KPNA4: variants seen among roughly 807,000 people sequenced by gnomAD.
KPNA4 encodes karyopherin subunit alpha 4, also known as importin subunit alpha-3.
In KPNA4, 13 loss-of-function variants were observed where a neutral mutation model predicts 71.3. The observed-to-expected ratio is 0.18, with a 90% CI of 0.12 to 0.29. The LOEUF is 0.29. Among genes scored for constraint, KPNA4 ranks in the 10% least tolerant of loss-of-function variants. KPNA4 has a pLI of 1.00. For synonymous variants in KPNA4, 189 were observed against 195.2 expected, an observed-to-expected ratio of 0.97 and a Z score of 0.26; for missense variants, 334 against 603.2, an observed-to-expected ratio of 0.55 and a Z score of 4.67.
At position 160,496,838 on chromosome 3, in the gene KPNA4, AC is replaced by A. The variant is rs1232476102; in HGVS notation, c.*5265del. The A allele has an allele frequency of 1.3e-5, 2 of 152,148 alleles. No individual in the cohort carries two copies. Among genetic ancestry groups the A allele is most frequent in the Admixed American group, 1.3e-4 (2 of 15,274 alleles). The allele number at this position is 152,148 out of a possible 1,614,324, so 9.4% of individuals were successfully genotyped here. A position where few individuals can be genotyped will look rare whatever the true frequency, so the allele number is the denominator to read the frequency against. On this transcript the variant is annotated 3_prime_UTR_variant, in exon 17 of 17. Transcript: ENST00000334256. Reference sequence around the variant, plus strand: ...TTTCCTCACAGTCAACTGCTCTTACACCCAGAGCAGTAGCTGTCAAGTCAAT... The same window carrying A: ...TTTCCTCACAGTCAACTGCTCTTACACCAGAGCAGTAGCTGTCAAGTCAAT...
At chr3:160,521,528 AG>A (rs1721348717) in intron 11 of KPNA4, among the ~76,000 whole-genome samples, 1 of 152,176 alleles carries the variant, frequency 6.6e-6, no homozygotes, top group Admixed American at 6.5e-5. Flanking sequence ...CCTTGAACCT[AG>A]GAAGTGGAGG....
chr3:160,504,023 G>A (rs893507485), intron 16 of KPNA4, among the ~76,000 whole-genome samples: 32 of 152,240 alleles, frequency 2.1e-4, no homozygotes, highest in South Asian at 1.5e-3. Context: ...GGGGGAGGTT[G>A]CAGTGAGCTG....
At chr3:160,546,014 T>A (rs376635198) in intron 1 of KPNA4, among the ~76,000 whole-genome samples, 1 of 152,098 alleles carries the variant, frequency 6.6e-6, no homozygotes, top group Non-Finnish European at 1.5e-5. Flanking sequence ...GTACTGATAA[T>A]GCATCGAATG....
chr3:160,525,931 T>C lies in KPNA4; in HGVS notation c.726+7A>G. On this transcript the variant is annotated splice_region_variant and intron_variant, in intron 9 of 16. Transcript: ENST00000334256. The stretch of plus-strand genomic sequence containing the variant: ...ATCTCTTTTAATTTTTTTTTAAAAG[T>C]GTTTACCTCCTGAATGGTTTCCATT... 6.4e-7 allele frequency: 1 copy of C among 1,551,296 alleles called. No homozygotes were observed. Among genetic ancestry groups the C allele is most frequent in the South Asian group, 1.3e-5 (1 of 77,012 alleles).
chr3:160,521,032 AT>A (rs1308245102), intron 11 of KPNA4, among the ~76,000 whole-genome samples: 2 of 152,228 alleles, frequency 1.3e-5, no homozygotes, highest in African/African-American at 4.8e-5. Context: ...ACAATAAAAA[AT>A]AAATTTAAAT....
chr3:160,526,950 T>C lies in KPNA4; in HGVS notation c.557-843A>G, dbSNP rs141065609. On this transcript the variant is annotated intron_variant, in intron 8 of 16. Coordinates refer to ENST00000334256, the MANE Select transcript of KPNA4 (RefSeq NM_002268.5). ...TGAGGGAGTCTGGATATAGAAACAA[T>C]AGCATTCCTAATAGTATAAACCCAA... Among the ~76,000 whole-genome samples the C allele has an allele frequency of 1.2e-4, 18 of 152,250 alleles. No homozygotes were observed. The East Asian group carries it at 1.9e-3, about 16-fold the overall frequency.
chr3:160,524,281 G>C (rs1186568376), intron 10 of KPNA4, among the ~76,000 whole-genome samples: 2 of 152,256 alleles, frequency 1.3e-5, no homozygotes, highest in East Asian at 1.9e-4. Flanking sequence ...AAGATGTCTT[G>C]TTTTCTAGTA....
At chr3:160,522,944 G>A (rs951642346) in intron 10 of KPNA4, among the ~76,000 whole-genome samples, 1 of 148,918 alleles carries the variant, frequency 6.7e-6, no homozygotes, top group Non-Finnish European at 1.5e-5. Context: ...TTTTTTTAAC[G>A]ATTACATCTT....
chr3:160,514,128 C>T lies in KPNA4; in HGVS notation c.1086G>A (p.Gln362=). 1 of 1,600,914 alleles carries T rather than the reference C, an allele frequency of 6.2e-7. No individual in the cohort carries two copies. The highest frequency in any genetic ancestry group is 1.4e-5 in the African/African-American group (1 of 74,068). The change falls in exon 13 of 17, where the codon CAG becomes CAA. Residue 362 remains glutamine (Q), a synonymous_variant. Coordinates refer to ENST00000334256, the MANE Select transcript of KPNA4 (RefSeq NM_002268.5). ...NITAGNQQQV[Q]AVIDANLVPM... ...GTACAAGATTGGCATCAATTACTGC[C>T]TGTACCTGCTGCTGATTTCCTGCAG...
chr3:160,521,968 C>A, intron 10 of KPNA4, 58 bp from the exon 11 acceptor site: 6 of 1,450,302 alleles, frequency 4.1e-6, no homozygotes, highest in Non-Finnish European at 5.7e-6. Context: ...TTTAGTAATT[C>A]TTGACCAAAC....
At chr3:160,504,849 T>C (rs1720952544) in intron 16 of KPNA4, 109 bp downstream of exon 16, 6 of 421,434 alleles carry the variant, frequency 1.4e-5, no homozygotes, top group East Asian at 7.7e-5. Context: ...CTATTTTAAT[T>C]CCATTCCAAA....
chr3:160,549,521 A>C (rs1721995796), intron 1 of KPNA4, among the ~76,000 whole-genome samples: 1 of 152,182 alleles, frequency 6.6e-6, no homozygotes, highest in Non-Finnish European at 1.5e-5. Context: ...ACCGTTTGTT[A>C]AAGGACTATC....
chr3:160,536,947 C>T, intron 1 of KPNA4, 107 bp from the exon 2 acceptor site: 1 of 527,396 alleles, frequency 1.9e-6, no homozygotes, highest in South Asian at 3.7e-5. Context: ...TTTCTTTTAG[C>T]CATATGGATA....
At chr3:160,519,971 G>A (rs1329216602) in intron 11 of KPNA4, among the ~76,000 whole-genome samples, 1 of 152,140 alleles carries the variant, frequency 6.6e-6, no homozygotes, top group Non-Finnish European at 1.5e-5. Flanking sequence ...TGGCATGAAA[G>A]TTGAAAAGTA....
At chr3:160,547,555 T>G (rs1443042414) in intron 1 of KPNA4, among the ~76,000 whole-genome samples, 1 of 152,114 alleles carries the variant, frequency 6.6e-6, no homozygotes, top group African/African-American at 2.4e-5. Flanking sequence ...TTGTTACAAC[T>G]GATGAGCCTA....
intron 1 of KPNA4, among the ~76,000 whole-genome samples, chr3:160,562,124 T>C (rs1283705934): frequency 2.0e-5 from 3 of 152,150 alleles, no homozygotes; most frequent in South Asian, 2.1e-4. Flanking sequence ...CTAAATGCTA[T>C]ACTCTGTACA....
intron 1 of KPNA4, among the ~76,000 whole-genome samples, chr3:160,539,998 CTTTT>C (rs376611861): frequency 1.5e-5 from 2 of 129,322 alleles, no homozygotes; most frequent in Non-Finnish European, 1.6e-5. Flanking sequence ...TTTTTCTTTT[CTTTT>C]TTTTTTTTTT....
chr3:160,510,261 G>GAA (rs1721064011), intron 13 of KPNA4, among the ~76,000 whole-genome samples: 1 of 152,044 alleles, frequency 6.6e-6, no homozygotes, highest in Non-Finnish European at 1.5e-5. Flanking sequence ...CACCATTAAT[G>GAA]AAACTATGAT....
chr3:160,507,449 G>A (rs183607420), intron 15 of KPNA4, among the ~76,000 whole-genome samples: 38 of 146,444 alleles, frequency 2.6e-4, no homozygotes, highest in Middle Eastern at 3.6e-3. Context: ...GCAGTGAGCC[G>A]AGATTGTGCC....
Sources: gnomAD v4.1 joint callset for allele counts (sites outside exome capture counted in the v4.1 genomes callset) on GRCh38, gnomAD v4.1.1 for gene constraint, MANE v1.5 for transcripts, NCBI Gene and HGNC (gene_info 2026-07-23, HGNC 2026-07-21) for gene names.